The following AGBL1 variants were observed in gnomAD, a reference collection of about 807,000 sequenced individuals.
The protein encoded by AGBL1 is AGBL carboxypeptidase 1, also known as cytosolic carboxypeptidase 4.
In AGBL1, 130 loss-of-function variants were observed where a neutral mutation model predicts 118.9. That is an observed-to-expected ratio of 1.09 (90% CI 0.95 to 1.26). The LOEUF (loss-of-function observed/expected upper bound fraction) is 1.26. AGBL1 is among the 50% of genes most tolerant of loss of function. The pLI, the probability that AGBL1 is intolerant of heterozygous loss-of-function variation, is 0.00. For missense variants in AGBL1, 1,584 were observed against 1,298.1 expected, an observed-to-expected ratio of 1.22 and a Z score of -3.38; for synonymous variants, 555 against 478.9, an observed-to-expected ratio of 1.16 and a Z score of -2.08.
Position 86,659,156 on chromosome 15 carries a change from C to CT in AGBL1, c.2995-15111dup, listed in dbSNP as rs769902884. On this transcript the variant is annotated intron_variant, in intron 21 of 22. Transcript: ENST00000614907. The stretch of plus-strand genomic sequence containing the variant: ...GCCTGAAGATTTCTAGATTCTTGAT[C>CT]TTTTTTCCAGAATTTACCTACCTGT... Among the ~76,000 whole-genome samples, 7 of 152,208 alleles carry CT rather than the reference C, an allele frequency of 4.6e-5. No homozygotes were observed. In the East Asian group the frequency reaches 1.4e-3, roughly 29 times the overall value.
chr15:86,418,333 A>G (rs991872898), intron 18 of AGBL1, among the ~76,000 whole-genome samples: 12 of 152,150 alleles, frequency 7.9e-5, no homozygotes, highest in African/African-American at 2.9e-4. Context: ...ACTTGCAAGG[A>G]TATCTTGAGA....
chr15:86,840,667 C>G (rs752801496), intron 22 of AGBL1, among the ~76,000 whole-genome samples: 1 of 151,946 alleles, frequency 6.6e-6, no homozygotes, highest in Admixed American at 6.6e-5. Flanking sequence ...CTCAAACTCC[C>G]GACCTCAGGT....
intron 23 of AGBL1, among the ~76,000 whole-genome samples, chr15:86,942,631 C>T (rs189964219): frequency 6.6e-6 from 1 of 152,148 alleles, no homozygotes; most frequent in African/African-American, 2.4e-5. Flanking sequence ...ATTAAAATAC[C>T]TTAAAACTCA....
chr15:86,542,575 C>T (rs1013428732), intron 19 of AGBL1, among the ~76,000 whole-genome samples: 1 of 151,996 alleles, frequency 6.6e-6, no homozygotes, highest in African/African-American at 2.4e-5. Context: ...ACCATGTTGG[C>T]CAGGCTGGTC....
chr15:86,692,334 G>C (rs941332605), intron 22 of AGBL1, among the ~76,000 whole-genome samples: 1 of 152,080 alleles, frequency 6.6e-6, no homozygotes, highest in Non-Finnish European at 1.5e-5. Context: ...TACAAAGCAA[G>C]ATCAGGGAAG....
chr15:86,462,331 A>G (rs149660594), intron 18 of AGBL1, among the ~76,000 whole-genome samples: 13 of 152,318 alleles, frequency 8.5e-5, no homozygotes, highest in Middle Eastern at 3.4e-3. Flanking sequence ...CAAGCCTTCC[A>G]GTCTCAGCCC....
At chr15:86,161,077 A>G (rs1210822131) in intron 5 of AGBL1, among the ~76,000 whole-genome samples, 1 of 152,342 alleles carries the variant, frequency 6.6e-6, no homozygotes, top group South Asian at 2.1e-4. Flanking sequence ...GTCAGAGGCA[A>G]GTGGGAAAGT....
chr15:86,562,340 T>G lies in AGBL1; in HGVS notation c.2994+7803T>G, dbSNP rs1440595193. Among the ~76,000 whole-genome samples, 3 of 152,032 alleles carry G rather than the reference T, an allele frequency of 2.0e-5. No individual in the cohort carries two copies. The East Asian group carries it at 5.8e-4, about 29-fold the overall frequency. ...CCATCAATACCTAATTTCTTGAGAG[T>G]TTTTAGCATGAAGGGCTGTTGAATT... On this transcript the variant is annotated intron_variant, in intron 21 of 22. Transcript: ENST00000614907.
Position 86,880,233 on chromosome 15 carries a change from C to G in AGBL1, c.3159-26854C>G, listed in dbSNP as rs573198782. 1.6e-3 allele frequency among the ~76,000 whole-genome samples: 242 copies of G among 152,326 alleles called. 1 individual carries two copies. Among genetic ancestry groups the G allele is most frequent in the African/African-American group, 5.6e-3 (232 of 41,572 alleles). Reference sequence around the variant, plus strand: ...GACCTAAATGCATTTGAAAATCACACTATAAAATTATGTCAGTGATAAAGT... The same window carrying G: ...GACCTAAATGCATTTGAAAATCACAGTATAAAATTATGTCAGTGATAAAGT... On this transcript the variant is annotated intron_variant, in intron 22 of 22. Transcript: ENST00000614907.
chr15:87,010,514 T>G (rs1199132618), intron 24 of AGBL1, among the ~76,000 whole-genome samples: 1 of 152,056 alleles, frequency 6.6e-6, no homozygotes, highest in East Asian at 1.9e-4. Flanking sequence ...AAAGGAAAGG[T>G]GAATTCACTC....
At chr15:86,594,067 G>A (rs1395510294) in intron 21 of AGBL1, among the ~76,000 whole-genome samples, 1 of 151,822 alleles carries the variant, frequency 6.6e-6, no homozygotes, top group Non-Finnish European at 1.5e-5. Flanking sequence ...GGATATAGGT[G>A]CACTCCATCA....
At chr15:86,427,199 AG>A (rs1365378269) in intron 18 of AGBL1, among the ~76,000 whole-genome samples, 1 of 152,242 alleles carries the variant, frequency 6.6e-6, no homozygotes, top group East Asian at 1.9e-4. Context: ...TATTTTTTAT[AG>A]GCAGGAGGGA....
At chr15:86,187,972 AC>A (rs1349048882) in intron 5 of AGBL1, among the ~76,000 whole-genome samples, 1 of 152,242 alleles carries the variant, frequency 6.6e-6, no homozygotes, top group East Asian at 1.9e-4. Context: ...TCTAATAGAT[AC>A]AGTACAGAAA....
downstream of AGBL1, among the ~76,000 whole-genome samples, chr15:87,029,227 C>T (rs1397887617): frequency 6.6e-6 from 1 of 151,830 alleles, no homozygotes; most frequent in African/African-American, 2.4e-5. Context: ...AATAGTGCCT[C>T]TTTTTTCGGT....
intron 21 of AGBL1, among the ~76,000 whole-genome samples, chr15:86,592,160 T>TA (rs2084345825): frequency 6.6e-6 from 1 of 152,200 alleles, no homozygotes; most frequent in Admixed American, 6.5e-5. Context: ...ACTGTAAAGT[T>TA]ACTGTTTTCT....
At chr15:86,262,090 T>TTTTTTTTTTTTTTTTTTTC (rs2078999241) in intron 9 of AGBL1, among the ~76,000 whole-genome samples, 1 of 143,178 alleles carries the variant, frequency 7.0e-6, no homozygotes, top group Admixed American at 7.2e-5. Context: ...TTTTTTTTTT[T>TTTTTTTTTTTTTTTTTTTC]TTTTGCCATT....
chr15:86,868,994 A>G (rs751954803), intron 22 of AGBL1, among the ~76,000 whole-genome samples: 10 of 152,222 alleles, frequency 6.6e-5, no homozygotes, highest in Non-Finnish European at 1.2e-4. Flanking sequence ...CTTTAAATCA[A>G]CAGCTTCAAG....
chr15:86,112,104 G>A (rs1024360719), intron 1 of AGBL1, among the ~76,000 whole-genome samples: 4 of 151,890 alleles, frequency 2.6e-5, no homozygotes, highest in African/African-American at 9.7e-5. Flanking sequence ...ATGGGGAGTT[G>A]TATAATTATT....
intron 7 of AGBL1, among the ~76,000 whole-genome samples, chr15:86,253,515 C>G (rs1446488247): frequency 6.6e-6 from 1 of 152,098 alleles, no homozygotes; most frequent in African/African-American, 2.4e-5. Context: ...TCCCAAAGTG[C>G]TGGGATTACA....
Sources: allele counts gnomAD v4.1 joint callset (sites outside exome capture counted in the v4.1 genomes callset), GRCh38; gene constraint gnomAD v4.1.1; transcripts MANE v1.5; gene names NCBI Gene and HGNC (gene_info 2026-07-23, HGNC 2026-07-21).